CAMK1: variants seen among roughly 807,000 people sequenced by gnomAD.
CAMK1 encodes the protein calcium/calmodulin-dependent protein kinase type 1.
A neutral mutation model predicts 49.1 loss-of-function variants in CAMK1; 39 were observed. That is an observed-to-expected ratio of 0.79 (90% CI 0.62 to 1.04). The LOEUF is 1.04. CAMK1 is among the 50% of genes least tolerant of loss of function. CAMK1 has a pLI of 0.00. For missense variants in CAMK1, 457 were observed against 472.2 expected, an observed-to-expected ratio of 0.97 and a Z score of 0.30; for synonymous variants, 192 against 185.2, an observed-to-expected ratio of 1.04 and a Z score of -0.30.
Position 9,761,699 on chromosome 3 carries a change from A to C in CAMK1, c.488T>G (p.Phe163Cys). ...DEDSKIMISD[F>C]GLSKMEDPGS... The stretch of plus-strand genomic sequence containing the variant: ...CGGGTCCTCCATCTTGGAGAGGCCA[A>C]AGTCGGAGATCATGATTTTGGAGTC... The change falls in exon 6 of 12, where the codon TTT becomes TGT. Residue 163 changes from phenylalanine to cysteine, a missense_variant. Physicochemically the swap from Phe to Cys is radical, Grantham distance 205. Coordinates refer to ENST00000256460, the MANE Select transcript of CAMK1 (RefSeq NM_003656.5). 1 of 1,614,170 alleles carries C rather than the reference A, an allele frequency of 6.2e-7. No individual in the cohort carries two copies. Among genetic ancestry groups the C allele is most frequent in the Non-Finnish European group, 8.5e-7 (1 of 1,180,028 alleles).
intron 3 of CAMK1, among the ~76,000 whole-genome samples, chr3:9,764,096 C>T (rs893644071): frequency 9.9e-5 from 15 of 152,194 alleles, no homozygotes; most frequent in African/African-American, 3.4e-4. Flanking sequence ...ACTGTTCCTC[C>T]AGCACCTGGT....
intron 8 of CAMK1, chr3:9,760,400 A>G (rs893162127): frequency 4.8e-5 from 20 of 420,108 alleles, no homozygotes; most frequent in Non-Finnish European, 7.1e-5. Flanking sequence ...TAGGGTGTCA[A>G]TAGGGGAGAG....
At chr3:9,764,569 C>G (rs1032527659) in intron 3 of CAMK1, among the ~76,000 whole-genome samples, 5 of 150,668 alleles carry the variant, frequency 3.3e-5, no homozygotes, top group Admixed American at 2.0e-4. Flanking sequence ...ACTTCAGCCT[C>G]TCAAAGTGCT....
chr3:9,759,160 C>A, intron 10 of CAMK1: 1 of 1,540,330 alleles, frequency 6.5e-7, no homozygotes, highest in Non-Finnish European at 9.0e-7. Context: ...TTCCGCTATG[C>A]CTCACTAATT....
At chr3:9,762,598 C>G (rs1224889680) in intron 5 of CAMK1, among the ~76,000 whole-genome samples, 1 of 152,054 alleles carries the variant, frequency 6.6e-6, no homozygotes, top group Non-Finnish European at 1.5e-5. Flanking sequence ...GAACTGACCT[C>G]AGGTGATCCA....
intron 3 of CAMK1, 114 bp from the exon 4 acceptor site, chr3:9,763,327 A>G: frequency 7.5e-7 from 1 of 1,336,360 alleles, no homozygotes; most frequent in Non-Finnish European, 1.0e-6. Flanking sequence ...CAGCAGTTCA[A>G]AGCTGCAGTC....
intron 8 of CAMK1, 46 bp from the exon 9 acceptor site, chr3:9,759,796 C>T: frequency 1.2e-6 from 2 of 1,614,002 alleles, no homozygotes; most frequent in Middle Eastern, 1.6e-4. Context: ...CATGGTACTG[C>T]CTGTGTACTC....
chr3:9,762,005 G>A (rs1251497809), intron 5 of CAMK1: 1 of 432,684 alleles, frequency 2.3e-6, no homozygotes, highest in East Asian at 4.4e-5. Flanking sequence ...CTAAAGGAAT[G>A]TTTGAATGCC....
chr3:9,757,551 G>A lies in CAMK1; in HGVS notation c.1101C>T (p.Pro367=). Residue 367 remains proline, a synonymous_variant, in exon 12 of 12, where the codon CCC becomes CCT. Coordinates refer to ENST00000256460, the MANE Select transcript of CAMK1 (RefSeq NM_003656.5). This position sits in a 1 kb window ranked among gnomAD's most constrained non-coding sequence, Gnocchi z 4.5. The stretch of plus-strand genomic sequence containing the variant: ...GAGGTCCAGGGCCCTAGAGCTGGTG[G>A]GGCAGTGTGGGGGACAGTTCTGTGC... ...EPGTELSPTL[P]HQL is the part of the protein sequence containing the mutation. 2 of 1,613,692 alleles carry A rather than the reference G, an allele frequency of 1.2e-6. No homozygotes were observed. The highest frequency in any genetic ancestry group is 1.7e-6 in the Non-Finnish European group (2 of 1,179,696).
intron 1 of CAMK1, among the ~76,000 whole-genome samples, chr3:9,768,580 G>A (rs1044345153): frequency 1.3e-5 from 2 of 152,210 alleles, no homozygotes; most frequent in African/African-American, 4.8e-5. Flanking sequence ...AATGACACCT[G>A]GCCTGGGGCC....
intron 10 of CAMK1, chr3:9,759,196 G>A (rs1382192924): frequency 1.2e-6 from 2 of 1,612,768 alleles, no homozygotes; most frequent in African/African-American, 2.7e-5. Flanking sequence ...GCTCTGTCAG[G>A]TCATCACCAC....
intron 10 of CAMK1, chr3:9,759,163 C>T: frequency 6.4e-7 from 1 of 1,559,228 alleles, no homozygotes; most frequent in South Asian, 1.1e-5. Context: ...CGCTATGCCT[C>T]ACTAATTCCT....
At chr3:9,768,755 C>G (rs976004025) in intron 1 of CAMK1, among the ~76,000 whole-genome samples, 9 of 152,216 alleles carry the variant, frequency 5.9e-5, no homozygotes, top group African/African-American at 2.2e-4. Flanking sequence ...AGAGCACTTT[C>G]CTTCTCTCTT....
Position 9,763,226 on chromosome 3 carries a change from A to T in CAMK1, c.216-13T>A. ...GGGGTGCTTGATCCTGAAAGGAGAA[A>T]TGAGGTGGTTTAGCCAGGCATGGCG... On this transcript the variant is annotated splice_polypyrimidine_tract_variant and intron_variant, in intron 3 of 11. Transcript: ENST00000256460. 6.2e-7 allele frequency: 1 copy of T among 1,613,762 alleles called. No individual in the cohort carries two copies. The highest frequency in any genetic ancestry group is 8.5e-7 in the Non-Finnish European group (1 of 1,179,982).
chr3:9,757,773 C>T lies in CAMK1; in HGVS notation c.986G>A (p.Gly329Glu). ...LQLGTSQEGQ[G>E]QTASHGELLT... Reference sequence around the variant, plus strand: ...CAGCTCCCCATGGCTCGCCGTCTGCCCCTGCCCCTCCTGGCTGGTGCCCAG... The same window carrying T: ...CAGCTCCCCATGGCTCGCCGTCTGCTCCTGCCCCTCCTGGCTGGTGCCCAG... The change falls in exon 11 of 12, where the codon GGG becomes GAG. Residue 329 changes from glycine to glutamate, a missense_variant. Physicochemically the swap from Gly to Glu is moderately conservative, Grantham distance 98 (BLOSUM62 -2). Coordinates refer to ENST00000256460, the MANE Select transcript of CAMK1 (RefSeq NM_003656.5). This position sits in a 1 kb window ranked among gnomAD's most constrained non-coding sequence, Gnocchi z 4.5. 1.2e-6 allele frequency: 2 copies of T among 1,614,150 alleles called. No homozygotes were observed. The highest frequency in any genetic ancestry group is 1.7e-6 in the Non-Finnish European group (2 of 1,179,998).
intron 2 of CAMK1, chr3:9,766,376 C>A (rs1243080955): frequency 3.3e-6 from 2 of 612,902 alleles, no homozygotes; most frequent in East Asian, 3.1e-5. Context: ...TCTGCTAATT[C>A]GAGTCATGGC....
In CAMK1 at chr3:9,767,601, G is replaced by A. The variant is rs2078189189; in HGVS notation, c.83+66C>T. 3.7e-6 allele frequency: 6 copies of A among 1,601,160 alleles called. No individual in the cohort carries two copies. In the East Asian group the frequency reaches 1.3e-4, roughly 36 times the overall value. On this transcript the variant is annotated intron_variant, in intron 2 of 11. Transcript: ENST00000256460. ...GGAAACAGGAAGCATTAATTGACCA[G>A]AGGAAGCCCCACCCTGGACTCAGCC...
intron 3 of CAMK1, 27 bp from the exon 4 acceptor site, chr3:9,763,240 C>T (rs1323769109): frequency 9.3e-6 from 15 of 1,613,222 alleles, no homozygotes; most frequent in Non-Finnish European, 1.2e-5. Context: ...GGTGGTTTAG[C>T]CAGGCATGGC....
chr3:9,759,405 C>T (rs2077739601), intron 10 of CAMK1, 83 bp downstream of exon 10: 1 of 1,590,408 alleles, frequency 6.3e-7, no homozygotes, highest in Admixed American at 1.7e-5. Context: ...AGTGTGATGC[C>T]AGGTGCTGTG....
Sources: gnomAD v4.1 joint callset for allele counts (sites outside exome capture counted in the v4.1 genomes callset) on GRCh38, gnomAD v4.1.1 for gene constraint, Gnocchi (gnomAD v3.1) non-coding constraint, MANE v1.5 for transcripts, NCBI Gene and HGNC (gene_info 2026-07-23, HGNC 2026-07-21) for gene names.